COL21A1: variants seen among roughly 807,000 people sequenced by gnomAD.
The protein encoded by COL21A1 is collagen type XXI alpha 1 chain.
In COL21A1, 149 loss-of-function variants were observed where a neutral mutation model predicts 137.9. The observed-to-expected ratio is 1.08, with a 90% CI of 0.95 to 1.24. COL21A1 has a LOEUF of 1.24. COL21A1 is among the 50% of genes most tolerant of loss of function. The pLI is 0.00. For missense variants in COL21A1, 1,167 were observed against 1,158.4 expected, an observed-to-expected ratio of 1.01 and a Z score of -0.11; for synonymous variants, 456 against 391.5, an observed-to-expected ratio of 1.16 and a Z score of -1.95.
At chr6:56,237,682 A>C (rs1013200417) in intron 1 of COL21A1, among the ~76,000 whole-genome samples, 1 of 152,136 alleles carries the variant, frequency 6.6e-6, no homozygotes, top group Non-Finnish European at 1.5e-5. Flanking sequence ...CTGGCCAAAA[A>C]TGTCGAATGT....
intron 1 of COL21A1, among the ~76,000 whole-genome samples, chr6:56,308,158 A>G (rs1443236321): frequency 6.6e-6 from 1 of 152,238 alleles, no homozygotes; most frequent in Non-Finnish European, 1.5e-5. Context: ...TCTGCCTTAT[A>G]AAAGGGCTGG....
At chr6:56,088,656 T>C (rs1582298228) in intron 17 of COL21A1, among the ~76,000 whole-genome samples, 1 of 152,190 alleles carries the variant, frequency 6.6e-6, no homozygotes, top group Non-Finnish European at 1.5e-5. Flanking sequence ...TTTCTTATAA[T>C]GTCACAACTT....
chr6:56,230,152 G>C (rs557697332), intron 1 of COL21A1, among the ~76,000 whole-genome samples: 5 of 151,890 alleles, frequency 3.3e-5, no homozygotes. Flanking sequence ...AAAATTGAAA[G>C]TCATTTTTCT....
chr6:56,376,255 C>A (rs189007580), intron 1 of COL21A1, among the ~76,000 whole-genome samples: 4 of 152,264 alleles, frequency 2.6e-5, no homozygotes, highest in African/African-American at 9.6e-5. Flanking sequence ...TTTGAGAAGA[C>A]AAGTATAACC....
At chr6:56,311,967 G>A (rs115909790) in intron 1 of COL21A1, among the ~76,000 whole-genome samples, 1,791 of 152,288 alleles carry the variant, frequency 0.012, 38 homozygotes, top group African/African-American at 0.04. Flanking sequence ...GAAGGTTTGC[G>A]GTAGTAAGTC....
chr6:56,227,829 A>G (rs929509132), intron 1 of COL21A1, among the ~76,000 whole-genome samples: 11 of 152,018 alleles, frequency 7.2e-5, no homozygotes, highest in Non-Finnish European at 1.3e-4. Flanking sequence ...GGTATGTGCT[A>G]GGCACTGGGA....
In COL21A1 at chr6:56,180,095, G is replaced by T. The variant is rs1382435522; in HGVS notation, c.123C>A (p.Ile41=). ...GGCCAACACTATAAGAGCCATCTAA[G>T]ATGAAAACTAAATCTGTCGGAGCAG... The part of the protein sequence containing the change: ...CRTAPTDLVF[I]LDGSYSVGPE... Residue 41 remains isoleucine (I), a synonymous_variant, in exon 3 of 30, where the codon ATC becomes ATA. Transcript: ENST00000244728. 3 of 1,613,136 alleles carry T rather than the reference G, an allele frequency of 1.9e-6. No individual in the cohort carries two copies. The African/African-American group carries it at 4.0e-5, about 22-fold the overall frequency.
chr6:56,155,743 G>A (rs1775693126), intron 10 of COL21A1, among the ~76,000 whole-genome samples: 1 of 152,094 alleles, frequency 6.6e-6, no homozygotes, highest in Non-Finnish European at 1.5e-5. Context: ...TTATAGGTGT[G>A]TGCCACCACA....
At chr6:56,132,256 A>C (rs1217770478) in intron 12 of COL21A1, among the ~76,000 whole-genome samples, 3 of 152,142 alleles carry the variant, frequency 2.0e-5, no homozygotes, top group Non-Finnish European at 4.4e-5. Context: ...CATAATCTTG[A>C]ATAGCAATTG....
chr6:56,111,192 A>G (rs1348650204), intron 16 of COL21A1, among the ~76,000 whole-genome samples: 2 of 152,032 alleles, frequency 1.3e-5, no homozygotes, highest in Non-Finnish European at 2.9e-5. Context: ...ATCATGAGGA[A>G]AGCATGAAAC....
At chr6:56,285,608 A>G (rs771685249) in intron 1 of COL21A1, among the ~76,000 whole-genome samples, 3 of 152,164 alleles carry the variant, frequency 2.0e-5, no homozygotes, top group Non-Finnish European at 4.4e-5. Flanking sequence ...AACACGCCCA[A>G]AAGACGACAT....
intron 1 of COL21A1, among the ~76,000 whole-genome samples, chr6:56,326,011 G>A (rs1410656383): frequency 0.21 from 598 of 2,900 alleles, 186 homozygotes; most frequent in East Asian, 0.78. Flanking sequence ...CATATATTAT[G>A]TATATGTATA....
rs75164691 is a variant in COL21A1, at chr6:56,178,401, G to A, written c.640+1177C>T. Among the ~76,000 whole-genome samples, 1,125 of 152,100 alleles carry A rather than the reference G, an allele frequency of 7.4e-3. 18 individuals are homozygous for A. Among genetic ancestry groups the A allele is most frequent in the African/African-American group, 0.026 (1,079 of 41,526 alleles). ...TATTTAAAGTTTCATGGAAGAAGACGTTTAATTTTCTATATTCTCTTAAAT... is the reference window on the plus strand; with the variant it reads ...TATTTAAAGTTTCATGGAAGAAGACATTTAATTTTCTATATTCTCTTAAAT... On this transcript the variant is annotated intron_variant, in intron 3 of 29. Transcript: ENST00000244728.
chr6:56,327,119 G>A (rs1313681256), intron 1 of COL21A1, among the ~76,000 whole-genome samples: 2 of 148,614 alleles, frequency 1.3e-5, no homozygotes, highest in African/African-American at 5.0e-5. Context: ...TGGTCCTTTT[G>A]TGCAACTATT....
intron 1 of COL21A1, among the ~76,000 whole-genome samples, chr6:56,260,655 G>GA (rs1562028881): frequency 1.6e-3 from 98 of 62,574 alleles, no homozygotes; most frequent in Middle Eastern, 7.7e-3. Flanking sequence ...AAGGAAGGAA[G>GA]GAATGAAGGA....
At chr6:56,367,107 G>C (rs1766118334) in intron 1 of COL21A1, among the ~76,000 whole-genome samples, 1 of 152,064 alleles carries the variant, frequency 6.6e-6, no homozygotes, top group Non-Finnish European at 1.5e-5. Context: ...TAATTTAGTA[G>C]CTTTTCCATT....
chr6:56,248,250 C>T (rs1027329556), upstream of COL21A1, among the ~76,000 whole-genome samples: 2 of 152,188 alleles, frequency 1.3e-5, no homozygotes, highest in African/African-American at 2.4e-5. Flanking sequence ...TGCACCCCTC[C>T]TACCCCAACA....
intron 1 of COL21A1, among the ~76,000 whole-genome samples, chr6:56,308,912 TA>T: frequency 6.6e-6 from 1 of 152,316 alleles, no homozygotes; most frequent in Admixed American, 6.5e-5. Context: ...CACTAATTTT[TA>T]TCCTTCCCTT....
At chr6:56,228,627 A>G (rs1392762151) in intron 1 of COL21A1, among the ~76,000 whole-genome samples, 1 of 151,392 alleles carries the variant, frequency 6.6e-6, no homozygotes, top group Non-Finnish European at 1.5e-5. Context: ...TGGACAGATG[A>G]AAATGCTTAC....
Sources: allele counts gnomAD v4.1 joint callset (sites outside exome capture counted in the v4.1 genomes callset), GRCh38; gene constraint gnomAD v4.1.1; transcripts MANE v1.5; gene names NCBI Gene and HGNC (gene_info 2026-07-23, HGNC 2026-07-21).